Variants in PLA2G7 observed in about 807,000 individuals in gnomAD.
PLA2G7 encodes platelet-activating factor acetylhydrolase.
In PLA2G7, 63 loss-of-function variants were observed where a neutral mutation model predicts 49.6. The observed-to-expected ratio is 1.27, with a 90% CI of 1.04 to 1.57. The LOEUF (loss-of-function observed/expected upper bound fraction) is 1.57. Among genes scored for constraint, PLA2G7 ranks in the 40% most tolerant of loss-of-function variants. The pLI, the probability that PLA2G7 is intolerant of heterozygous loss-of-function variation, is 0.00. For missense variants in PLA2G7, 596 were observed against 521.2 expected (o/e 1.14, Z -1.40); for synonymous variants, 193 against 169.9 (o/e 1.14, Z -1.06).
chr6:46,723,384 G>A (rs568001002), intron 1 of PLA2G7, among the ~76,000 whole-genome samples: 1 of 152,180 alleles, frequency 6.6e-6, no homozygotes, highest in Admixed American at 6.5e-5. Flanking sequence ...TGTTTTGGGT[G>A]TTAATATGAT....
intron 5 of PLA2G7, among the ~76,000 whole-genome samples, chr6:46,714,213 C>T (rs1423157307): frequency 6.6e-6 from 1 of 152,156 alleles, no homozygotes; most frequent in African/African-American, 2.4e-5. Flanking sequence ...TGAAGGACAA[C>T]TATAGAAAAT....
chr6:46,707,862 A>G (rs1764878961), intron 10 of PLA2G7, 129 bp downstream of exon 10: 1 of 634,168 alleles, frequency 1.6e-6, no homozygotes, highest in African/African-American at 1.8e-5. Flanking sequence ...GAGATTATCT[A>G]ATTCTCTCCT....
At chr6:46,716,570 C>T in intron 3 of PLA2G7, 42 bp from the exon 4 acceptor site, 1 of 1,599,440 alleles carries the variant, frequency 6.3e-7, no homozygotes, top group African/African-American at 1.3e-5. Flanking sequence ...GAAGTTGTGT[C>T]TCAAACATAT....
In PLA2G7 at chr6:46,704,808, G is replaced by A. The variant is rs547030262; in HGVS notation, c.1190-112C>T. Reference sequence around the variant, plus strand: ...AAATTACACAAGTTCCGTTAGGATGGTAGAGACGATGTGCTCTGTATCAGC... The same window carrying A: ...AAATTACACAAGTTCCGTTAGGATGATAGAGACGATGTGCTCTGTATCAGC... On this transcript the variant is annotated intron_variant, in intron 11 of 11. Transcript: ENST00000274793. 1.0e-3 allele frequency: 757 copies of A among 724,488 alleles called. 1 individual carries two copies. The highest frequency in any genetic ancestry group is 1.5e-3 in the Non-Finnish European group (616 of 420,944). The allele number at this position is 724,488 out of a possible 1,614,324, so 44.9% of individuals were successfully genotyped here. A position where few individuals can be genotyped will look rare whatever the true frequency, so the allele number is the denominator to read the frequency against.
At chr6:46,723,725 CT>C (rs1448149680) in intron 1 of PLA2G7, among the ~76,000 whole-genome samples, 1 of 152,186 alleles carries the variant, frequency 6.6e-6, no homozygotes, top group Non-Finnish European at 1.5e-5. Context: ...GCCATCACCT[CT>C]AACGAGTCTC....
chr6:46,717,154 T>G, intron 2 of PLA2G7, 58 bp from the exon 3 acceptor site: 1 of 1,476,292 alleles, frequency 6.8e-7, no homozygotes, highest in Non-Finnish European at 9.5e-7. Context: ...GATTTTATTA[T>G]GCAAAAGAAT....
intron 10 of PLA2G7, among the ~76,000 whole-genome samples, chr6:46,706,393 GGATGATCT>G (rs1764828630): frequency 6.6e-6 from 1 of 152,326 alleles, no homozygotes; most frequent in East Asian, 1.9e-4. Flanking sequence ...GCAGAAGCTT[GGATGATCT>G]GACTGTAGAG....
upstream of PLA2G7, chr6:46,735,455 G>C (rs1438539555): frequency 6.6e-6 from 1 of 152,416 alleles, no homozygotes. Context: ...CCGGGGAGGA[G>C]CGTGTGTGGC....
At chr6:46,716,706 CAA>C (rs1765213430) in intron 3 of PLA2G7, among the ~76,000 whole-genome samples, 178 bp from the exon 4 acceptor site, 1 of 152,062 alleles carries the variant, frequency 6.6e-6, no homozygotes, top group Non-Finnish European at 1.5e-5. Flanking sequence ...AACAGAAAAA[CAA>C]TATTCTATCT....
At chr6:46,721,789 T>C (rs1765410737) in intron 2 of PLA2G7, among the ~76,000 whole-genome samples, 2 of 152,106 alleles carry the variant, frequency 1.3e-5, no homozygotes, top group Admixed American at 6.6e-5. Context: ...AAACCTCTCC[T>C]AATGCATTCA....
rs1212386451 is a variant in PLA2G7 at position 46,704,470 on chromosome 6, TCTCTCTCTCACACACACACACACACA to T, written c.*64_*89del. 8.2e-5 allele frequency: 23 copies of T among 279,950 alleles called. No homozygotes were observed. The highest frequency in any genetic ancestry group is 1.6e-4 in the Non-Finnish European group (23 of 140,470). 17.3% of individuals were successfully genotyped at this position (279,950 alleles called of 1,614,324 possible). ...CTCTCTCTCTCTCTCTCTCTCTCTC[TCTCTCTCTCACACACACACACACACA>T]CACACACACACACATAATTTTAGAC... On this transcript the variant is annotated 3_prime_UTR_variant, in exon 12 of 12. Coordinates refer to ENST00000274793, the MANE Select transcript of PLA2G7 (RefSeq NM_005084.4).
At chr6:46,727,681 C>G (rs1445858734) in intron 1 of PLA2G7, among the ~76,000 whole-genome samples, 1 of 152,156 alleles carries the variant, frequency 6.6e-6, no homozygotes, top group Non-Finnish European at 1.5e-5. Flanking sequence ...CCAATGTAAT[C>G]ACAAGAGTCC....
At chr6:46,717,701 TC>T in intron 2 of PLA2G7, among the ~76,000 whole-genome samples, 1 of 104,492 alleles carries the variant, frequency 9.6e-6, no homozygotes, top group African/African-American at 4.2e-5. Context: ...CTATTTTCTT[TC>T]TTTTTTCTTT....
At position 46,710,661 on chromosome 6, in the gene PLA2G7, AAT is replaced by A; in HGVS notation, c.664-5_664-4del. On this transcript the variant is annotated splice_polypyrimidine_tract_variant and splice_region_variant and intron_variant, in intron 7 of 11. Coordinates refer to ENST00000274793, the MANE Select transcript of PLA2G7 (RefSeq NM_005084.4). ...CATTCTTTTGCTCTTTGCCGTACCTAATATAATTATTAGAAGAAGGAAATGAC... is the reference window on the plus strand; with the variant it reads ...CATTCTTTTGCTCTTTGCCGTACCTAATAATTATTAGAAGAAGGAAATGAC... 6.3e-7 allele frequency: 1 copy of A among 1,586,312 alleles called. No homozygotes were observed. The highest frequency in any genetic ancestry group is 8.7e-7 in the Non-Finnish European group (1 of 1,154,664).
chr6:46,704,460 TCTCTCTCTCTCTCTCTCTCA>T lies in PLA2G7; in HGVS notation c.*80_*99del, dbSNP rs1764717041. The T allele has an allele frequency of 3.3e-6, 2 of 606,740 alleles. No homozygotes were observed. Among genetic ancestry groups the T allele is most frequent in the East Asian group, 3.0e-5 (1 of 33,180 alleles). The allele number at this position is 606,740 out of a possible 1,614,324, so 37.6% of individuals were successfully genotyped here. On this transcript the variant is annotated 3_prime_UTR_variant, in exon 12 of 12. Coordinates refer to ENST00000274793, the MANE Select transcript of PLA2G7 (RefSeq NM_005084.4). The stretch of plus-strand genomic sequence containing the variant: ...TTAAAATTCTCTCTCTCTCTCTCTC[TCTCTCTCTCTCTCTCTCTCA>T]CACACACACACACACACACACACAC...
chr6:46,710,513 G>C, intron 8 of PLA2G7, 32 bp downstream of exon 8: 2 of 1,304,842 alleles, frequency 1.5e-6, no homozygotes, highest in Non-Finnish European at 2.2e-6. Flanking sequence ...AAGAACTGTA[G>C]GACAAGAGAA....
intron 10 of PLA2G7, among the ~76,000 whole-genome samples, chr6:46,706,973 C>G (rs532550580): frequency 1.2e-4 from 19 of 152,252 alleles, no homozygotes; most frequent in African/African-American, 4.3e-4. Flanking sequence ...ATTGCCTATA[C>G]TCCATATATT....
chr6:46,729,741 C>A (rs1350885178), intron 1 of PLA2G7, among the ~76,000 whole-genome samples: 2 of 152,142 alleles, frequency 1.3e-5, no homozygotes, highest in Non-Finnish European at 2.9e-5. Context: ...GGGTGTTTAG[C>A]AACATCCCTG....
rs1341251553 is a variant in PLA2G7, at chr6:46,717,008, A to G, written c.198T>C (p.Gly66=). ...IPRGNGPYSV[G]CTDLMFDHTN... ...TGTGATCAAACATTAAGTCTGTACA[A>G]CCAACGGAATAAGGCCCATTTCCCC... Residue 66 remains glycine, a synonymous_variant, in exon 3 of 12, where the codon GGT becomes GGC. Transcript: ENST00000274793. 6.2e-7 allele frequency: 1 copy of G among 1,613,766 alleles called. No individual in the cohort carries two copies.
Sources: gnomAD v4.1 joint callset for allele counts (sites outside exome capture counted in the v4.1 genomes callset) on GRCh38, gnomAD v4.1.1 for gene constraint, MANE v1.5 for transcripts, NCBI Gene and HGNC (gene_info 2026-07-23, HGNC 2026-07-21) for gene names.